Variants in FDFT1 observed in about 807,000 individuals in gnomAD.
FDFT1 encodes the protein squalene synthase.
A neutral mutation model predicts 46.8 loss-of-function variants in FDFT1; 68 were observed. That is an observed-to-expected ratio of 1.45 (90% confidence interval 1.19 to 1.78). The LOEUF (loss-of-function observed/expected upper bound fraction) is 1.78, where lower values mean the gene tolerates loss of function less well. FDFT1 is among the 40% of genes most tolerant of loss of function. The pLI, the probability that FDFT1 is intolerant of heterozygous loss-of-function variation, is 0.00. For missense variants in FDFT1, 928 were observed against 524.4 expected, an observed-to-expected ratio of 1.77 and a Z score of -7.52; for synonymous variants, 351 against 185.1, an observed-to-expected ratio of 1.90 and a Z score of -7.28.
chr8:11,803,001 GC>G, intron 1 of FDFT1, 70 bp downstream of exon 1: 1 of 1,535,174 alleles, frequency 6.5e-7, no homozygotes. Flanking sequence ...GGCCTGAGCG[GC>G]CGGGCCCGGA....
intron 5 of FDFT1, among the ~76,000 whole-genome samples, chr8:11,826,734 G>C (rs918014427): frequency 3.3e-5 from 5 of 152,200 alleles, no homozygotes; most frequent in East Asian, 3.8e-4. Context: ...AGAATCGCTT[G>C]AACCCAGGAA....
At position 11,830,231 on chromosome 8, in the gene FDFT1, C is replaced by A. The variant is rs747821827; in HGVS notation, c.703-13C>A. On this transcript the variant is annotated splice_polypyrimidine_tract_variant and intron_variant, in intron 5 of 7. Transcript: ENST00000220584. ...ACACGCTGACCTGTTCCTTAATCTT[C>A]TTATCTGTCTAGGTTTGGAGCAGGT... 1.4e-5 allele frequency: 23 copies of A among 1,608,512 alleles called. No individual in the cohort carries two copies. Among genetic ancestry groups the A allele is most frequent in the African/African-American group, 1.1e-4 (8 of 74,808 alleles).
At chr8:11,818,701 G>A (rs1372344860) in intron 3 of FDFT1, among the ~76,000 whole-genome samples, 5 of 146,474 alleles carry the variant, frequency 3.4e-5, no homozygotes, top group Admixed American at 6.8e-5. Context: ...TTTTTTTTTC[G>A]CTTGGTAGAT....
At chr8:11,817,306 T>C (rs1270093520) in intron 3 of FDFT1, among the ~76,000 whole-genome samples, 1 of 152,238 alleles carries the variant, frequency 6.6e-6, no homozygotes, top group Non-Finnish European at 1.5e-5. Context: ...TCAACGTTCA[T>C]CAGGGATATT....
intron 4 of FDFT1, among the ~76,000 whole-genome samples, chr8:11,825,306 C>G (rs1809807960): frequency 6.6e-6 from 1 of 151,982 alleles, no homozygotes. Flanking sequence ...CTTTGGGAGG[C>G]CAAGGCTGGC....
intron 3 of FDFT1, 126 bp downstream of exon 3, chr8:11,809,976 GT>G: frequency 1.4e-6 from 1 of 706,302 alleles, no homozygotes; most frequent in Admixed American, 3.4e-5. Context: ...TAATGTGAGG[GT>G]TAAAAACTCC....
chr8:11,838,966 C>G lies in FDFT1; in HGVS notation c.*357C>G, dbSNP rs942336287. On this transcript the variant is annotated 3_prime_UTR_variant, in exon 8 of 8. Coordinates refer to ENST00000220584, the MANE Select transcript of FDFT1 (RefSeq NM_004462.5). ...AATTAAAAGTATTTAATTTGAAGCA[C>G]CATTTGAATGTTCGTAATAGTAGAA... is the stretch of plus-strand genomic sequence containing the variant. 4.7e-6 allele frequency: 1 copy of G among 214,352 alleles called. No individual in the cohort carries two copies. The highest frequency in any genetic ancestry group is 9.4e-6 in the Non-Finnish European group (1 of 106,018). 13.3% of individuals were successfully genotyped at this position (214,352 alleles called of 1,614,324 possible).
chr8:11,811,351 A>T (rs1049969900), intron 3 of FDFT1, among the ~76,000 whole-genome samples: 8 of 152,214 alleles, frequency 5.3e-5, no homozygotes, highest in African/African-American at 1.9e-4. Context: ...TTCTAGCTGG[A>T]CCTAGCCTCT....
intron 4 of FDFT1, among the ~76,000 whole-genome samples, chr8:11,822,814 TGAAAGAAAATA>T (rs374190861): frequency 1.3e-5 from 2 of 152,326 alleles, no homozygotes; most frequent in African/African-American, 4.8e-5. Flanking sequence ...AGACACCATC[TGAAAGAAAATA>T]AAGTTGAAGT....
intron 5 of FDFT1, 149 bp from the exon 6 acceptor site, chr8:11,830,095 C>T (rs778026839): frequency 6.0e-6 from 4 of 667,546 alleles, no homozygotes; most frequent in South Asian, 1.6e-5. Context: ...ATCCACCCTC[C>T]TCGGCCTCCC....
At chr8:11,815,730 G>C (rs1162918863) in intron 3 of FDFT1, among the ~76,000 whole-genome samples, 1 of 152,074 alleles carries the variant, frequency 6.6e-6, no homozygotes. Context: ...TGATTTTCTT[G>C]TAAATTTTTT....
At chr8:11,824,689 G>A (rs576740968) in intron 4 of FDFT1, among the ~76,000 whole-genome samples, 3 of 152,176 alleles carry the variant, frequency 2.0e-5, no homozygotes, top group African/African-American at 4.8e-5. Context: ...ATACTGCTAT[G>A]TACCTGATAC....
At chr8:11,807,804 T>C (rs150656547) in intron 1 of FDFT1, 1 of 152,158 alleles carries the variant, frequency 6.6e-6, no homozygotes, top group Non-Finnish European at 1.5e-5. Flanking sequence ...AGTAGAGGCT[T>C]AATAGGTGTC....
intron 3 of FDFT1, among the ~76,000 whole-genome samples, chr8:11,820,066 CTTTG>C (rs761894172): frequency 1.3e-5 from 2 of 152,002 alleles, no homozygotes; most frequent in Non-Finnish European, 2.9e-5. Context: ...GATCCTATTC[CTTTG>C]TTTGTTAGTT....
chr8:11,813,938 C>T (rs1452123716), intron 3 of FDFT1, among the ~76,000 whole-genome samples: 2 of 152,162 alleles, frequency 1.3e-5, no homozygotes, highest in Non-Finnish European at 2.9e-5. Context: ...AACGTGGACC[C>T]CTTCATTGTC....
chr8:11,816,803 T>C (rs969061102), intron 3 of FDFT1, among the ~76,000 whole-genome samples: 5 of 152,234 alleles, frequency 3.3e-5, no homozygotes, highest in Non-Finnish European at 7.3e-5. Flanking sequence ...TATACAATCA[T>C]GTCATTTGCA....
chr8:11,828,881 A>G (rs1371018720), intron 5 of FDFT1, among the ~76,000 whole-genome samples: 4 of 152,198 alleles, frequency 2.6e-5, no homozygotes, highest in Admixed American at 1.3e-4. Context: ...CACTGTGTGG[A>G]TAGACCACAT....
chr8:11,810,978 C>G (rs937891223), intron 3 of FDFT1, among the ~76,000 whole-genome samples: 76 of 146,458 alleles, frequency 5.2e-4, no homozygotes, highest in Admixed American at 2.7e-4. Flanking sequence ...GGGGAAGACT[C>G]TTGCGGTGCA....
chr8:11,808,740 TCCC>T (rs1807264126), intron 1 of FDFT1, 51 bp from the exon 2 acceptor site: 10 of 1,589,568 alleles, frequency 6.3e-6, no homozygotes, highest in East Asian at 2.3e-5. Flanking sequence ...CCACTCCCAC[TCCC>T]ACTCCTGCTC....
Sources: allele counts gnomAD v4.1 joint callset (sites outside exome capture counted in the v4.1 genomes callset), GRCh38; gene constraint gnomAD v4.1.1; transcripts MANE v1.5; gene names NCBI Gene and HGNC (gene_info 2026-07-23, HGNC 2026-07-21).